The following APBA2 variants were observed in gnomAD, a reference collection of about 807,000 sequenced individuals.
APBA2 encodes the protein amyloid beta precursor protein binding family A member 2.
APBA2 carries 30 observed loss-of-function variants against 75.0 expected under a neutral mutation model. The ratio of observed to expected loss-of-function variants is 0.40; its 90% CI spans 0.30 to 0.54. The LOEUF is 0.54. APBA2 is among the 20% of genes least tolerant of loss of function. APBA2 has a pLI of 0.49. For synonymous variants in APBA2, 444 were observed against 409.6 expected, an observed-to-expected ratio of 1.08 and a Z score of -1.01; for missense variants, 801 against 1,016.1, an observed-to-expected ratio of 0.79 and a Z score of 2.88.
intron 3 of APBA2, among the ~76,000 whole-genome samples, chr15:29,034,565 A>G (rs529978814): frequency 4.5e-4 from 68 of 152,330 alleles, no homozygotes; most frequent in African/African-American, 1.6e-3. Flanking sequence ...ACTACATGAA[A>G]TGAAAGTGTT....
intron 2 of APBA2, among the ~76,000 whole-genome samples, chr15:28,954,496 C>CTTTG (rs1466162971): frequency 6.6e-6 from 1 of 152,166 alleles, no homozygotes; most frequent in Non-Finnish European, 1.5e-5. Context: ...CTTCTGCGGA[C>CTTTG]TTTGGTACTG....
At chr15:28,917,788 T>G (rs1396591447) in intron 1 of APBA2, among the ~76,000 whole-genome samples, 1 of 152,222 alleles carries the variant, frequency 6.6e-6, no homozygotes. Context: ...TAGTTGCTTT[T>G]TGTCTTATTA....
In APBA2 at chr15:28,971,731, A is replaced by C. The variant is rs147097415; in HGVS notation, c.-94-24022A>C. On this transcript the variant is annotated intron_variant, in intron 2 of 14. Coordinates refer to ENST00000683413, the MANE Select transcript of APBA2 (RefSeq NM_001353788.2). ...GGAAAATCTCTCTCCTTAATTAAAA[A>C]AACTGTACTTTAGAGAAGTAAGAGA... Among the ~76,000 whole-genome samples, 609 of 152,338 alleles carry C rather than the reference A, an allele frequency of 4.0e-3. 6 individuals are homozygous for C. Among genetic ancestry groups the C allele is most frequent in the African/African-American group, 0.014 (589 of 41,578 alleles).
intron 5 of APBA2, 131 bp from the exon 6 acceptor site, chr15:29,075,924 C>A: frequency 1.2e-6 from 1 of 826,186 alleles, no homozygotes; most frequent in Non-Finnish European, 2.1e-6. Flanking sequence ...CTGACATCTT[C>A]AGAACACCAT....
chr15:29,108,051 C>T lies in APBA2; in HGVS notation c.1918-219C>T, dbSNP rs573202845. On this transcript the variant is annotated intron_variant, in intron 12 of 14. Transcript: ENST00000683413. ...ACCCTGCGCATGGTGGGACAGAGGG[C>T]GCAGTGCTGCCCTGGAAACCTGGTA... 4.6e-5 allele frequency among the ~76,000 whole-genome samples: 7 copies of T among 152,278 alleles called. No homozygotes were observed. The South Asian group carries it at 1.2e-3, about 27-fold the overall frequency.
intron 2 of APBA2, among the ~76,000 whole-genome samples, chr15:28,990,147 G>A (rs771557412): frequency 2.6e-5 from 4 of 152,178 alleles, no homozygotes; most frequent in Non-Finnish European, 5.9e-5. Flanking sequence ...AGTTAGCTCC[G>A]CTGGGCGCGG....
At chr15:28,927,250 C>G (rs548254226) in intron 2 of APBA2, among the ~76,000 whole-genome samples, 1 of 152,164 alleles carries the variant, frequency 6.6e-6, no homozygotes, top group Admixed American at 6.5e-5. Flanking sequence ...TTCCCTACCC[C>G]GCTGGTCATT....
intron 10 of APBA2, among the ~76,000 whole-genome samples, chr15:29,104,519 G>C (rs2044299956): frequency 1.3e-5 from 2 of 152,242 alleles, no homozygotes; most frequent in Admixed American, 1.3e-4. Flanking sequence ...TGCCATGTCA[G>C]AGTCGGTGAT....
At chr15:29,037,842 A>G (rs553238951) in intron 3 of APBA2, among the ~76,000 whole-genome samples, 1 of 152,268 alleles carries the variant, frequency 6.6e-6, no homozygotes, top group African/African-American at 2.4e-5. Context: ...GAGAGACAAG[A>G]TAGGGGCTAA....
intron 1 of APBA2, among the ~76,000 whole-genome samples, chr15:28,905,546 C>T (rs776330207): frequency 6.6e-6 from 1 of 152,136 alleles, no homozygotes; most frequent in Non-Finnish European, 1.5e-5. Flanking sequence ...ATAGATCTGC[C>T]ATCTGTAGTT....
At chr15:28,903,003 C>T (rs2032949452) in intron 1 of APBA2, among the ~76,000 whole-genome samples, 1 of 152,134 alleles carries the variant, frequency 6.6e-6, no homozygotes, top group Non-Finnish European at 1.5e-5. Flanking sequence ...GGGGCCATCC[C>T]TGGGAGAGAG....
At chr15:29,089,732 C>T (rs977690283) in intron 6 of APBA2, among the ~76,000 whole-genome samples, 32 of 152,150 alleles carry the variant, frequency 2.1e-4, no homozygotes, top group African/African-American at 7.5e-4. Context: ...GAACCTGGAG[C>T]GCCTTATTCT....
intron 14 of APBA2, 29 bp from the exon 15 acceptor site, chr15:29,117,033 G>A (rs906374732): frequency 8.1e-6 from 13 of 1,611,106 alleles, no homozygotes; most frequent in Non-Finnish European, 1.0e-5. Flanking sequence ...TGGGAGGGCA[G>A]CGGCTCAGCC....
intron 9 of APBA2, among the ~76,000 whole-genome samples, chr15:29,100,566 A>G (rs890822213): frequency 4.6e-5 from 7 of 152,216 alleles, no homozygotes; most frequent in Non-Finnish European, 7.3e-5. Context: ...AAAAACCATC[A>G]AGAGTCATGG....
intron 3 of APBA2, among the ~76,000 whole-genome samples, chr15:29,022,854 T>C (rs2040020371): frequency 6.8e-6 from 1 of 147,330 alleles, no homozygotes; most frequent in Non-Finnish European, 1.5e-5. Context: ...AATGCAGTAT[T>C]ATTTGTTTTT....
chr15:29,053,132 C>CT (rs1252626390), intron 3 of APBA2, among the ~76,000 whole-genome samples: 2 of 152,204 alleles, frequency 1.3e-5, no homozygotes, highest in African/African-American at 4.8e-5. Context: ...TGCCAGGTCT[C>CT]TGCAGCTGCC....
intron 2 of APBA2, among the ~76,000 whole-genome samples, chr15:28,951,143 T>C (rs1042650953): frequency 2.6e-5 from 4 of 152,216 alleles, no homozygotes; most frequent in African/African-American, 9.6e-5. Context: ...CAATACAGTA[T>C]AACAACGATT....
At chr15:28,979,719 T>A (rs72625150) in intron 2 of APBA2, among the ~76,000 whole-genome samples, 1 of 152,064 alleles carries the variant, frequency 6.6e-6, no homozygotes, top group African/African-American at 2.4e-5. Context: ...GCAGCCAAGT[T>A]GGGGGTGAGA....
chr15:28,960,132 G>C (rs1489913222), intron 2 of APBA2, among the ~76,000 whole-genome samples: 2 of 139,730 alleles, frequency 1.4e-5, no homozygotes, highest in Non-Finnish European at 3.1e-5. Flanking sequence ...CCAGGTGACA[G>C]AGTGAGACCT....
Sources: allele counts gnomAD v4.1 joint callset (sites outside exome capture counted in the v4.1 genomes callset), GRCh38; gene constraint gnomAD v4.1.1; transcripts MANE v1.5; gene names NCBI Gene and HGNC (gene_info 2026-07-23, HGNC 2026-07-21).